Variants in AP1G1 observed in about 807,000 individuals in gnomAD.
AP1G1 encodes AP-1 complex subunit gamma-1.
In AP1G1, 7 loss-of-function variants were observed where a neutral mutation model predicts 108.3. The ratio of observed to expected loss-of-function variants is 0.06; its 90% CI spans 0.04 to 0.12. AP1G1 has a LOEUF of 0.12. Ranked by LOEUF, AP1G1 falls within the 10% of genes least tolerant of loss-of-function variation. The pLI is 1.00. For synonymous variants in AP1G1, 379 were observed against 353.5 expected, an observed-to-expected ratio of 1.07 and a Z score of -0.81; for missense variants, 756 against 1,010.7, an observed-to-expected ratio of 0.75 and a Z score of 3.42.
intron 21 of AP1G1, among the ~76,000 whole-genome samples, chr16:71,735,261 A>G (rs1156586489): frequency 3.3e-5 from 5 of 152,216 alleles, no homozygotes; most frequent in African/African-American, 1.2e-4. Context: ...GACAGAAGGA[A>G]CGGAAAGACT....
rs191244565 is a variant in AP1G1 at position 71,798,339 on chromosome 16, T to C, written c.-3-8857A>G. The stretch of plus-strand genomic sequence containing the variant: ...TTACCCTACCGAGTAGCCAGGACTA[T>C]AGGCGCGTGCCACCACGCTCAGCTA... On this transcript the variant is annotated intron_variant, in intron 1 of 22. Transcript: ENST00000299980. 2.6e-3 allele frequency among the ~76,000 whole-genome samples: 390 copies of C among 152,246 alleles called. 2 individuals carry two copies. Among genetic ancestry groups the C allele is most frequent in the Middle Eastern group, 0.01 (3 of 294 alleles).
chr16:71,804,293 G>A (rs1035884688), intron 1 of AP1G1, among the ~76,000 whole-genome samples: 41 of 151,812 alleles, frequency 2.7e-4, no homozygotes, highest in Non-Finnish European at 2.4e-4. Context: ...TGATCCACCC[G>A]CCTCGGCCTC....
chr16:71,777,823 T>C (rs2031848985), intron 2 of AP1G1: 1 of 386,632 alleles, frequency 2.6e-6, no homozygotes, highest in Non-Finnish European at 5.3e-6. Flanking sequence ...CCTCCATGCT[T>C]TTCTCCAACA....
chr16:71,765,671 G>A lies in AP1G1; in HGVS notation c.643-87C>T, dbSNP rs537458926. On this transcript the variant is annotated intron_variant, in intron 6 of 22. Coordinates refer to ENST00000299980, the MANE Select transcript of AP1G1 (RefSeq NM_001128.6). ...AGGTCCTTTGGTTTAGAAAAAGGGT[G>A]TAAGGGTCCCAGTCCAAGCAAATTC... is the stretch of plus-strand genomic sequence containing the variant. 29 of 1,045,186 alleles carry A rather than the reference G, an allele frequency of 2.8e-5. 1 individual carries two copies. In the South Asian group the frequency reaches 3.5e-4, roughly 13 times the overall value. 64.7% of individuals were successfully genotyped at this position (1,045,186 alleles called of 1,614,324 possible).
At chr16:71,737,976 A>C (rs1303893386) in intron 21 of AP1G1, among the ~76,000 whole-genome samples, 3 of 152,276 alleles carry the variant, frequency 2.0e-5, no homozygotes, top group Non-Finnish European at 4.4e-5. Flanking sequence ...ATAGCAGCCT[A>C]AAATACTTAC....
intron 16 of AP1G1, 37 bp downstream of exon 16, chr16:71,748,214 A>G (rs1021233060): frequency 1.1e-5 from 17 of 1,583,376 alleles, no homozygotes; most frequent in Non-Finnish European, 1.4e-5. Flanking sequence ...TTTAATTACA[A>G]AACAACCTGT....
chr16:71,779,762 T>A (rs2031933609), intron 2 of AP1G1, among the ~76,000 whole-genome samples: 1 of 152,174 alleles, frequency 6.6e-6, no homozygotes, highest in Non-Finnish European at 1.5e-5. Flanking sequence ...TTTATCAGTG[T>A]TTAATCCGGT....
At chr16:71,777,604 C>A in intron 2 of AP1G1, 2 of 409,592 alleles carry the variant, frequency 4.9e-6, no homozygotes, top group South Asian at 3.7e-5. Flanking sequence ...GGCAGGCGGT[C>A]ATGCCGATGC....
chr16:71,789,609 A>G (rs2032325148), intron 1 of AP1G1, 127 bp from the exon 2 acceptor site: 2 of 875,538 alleles, frequency 2.3e-6, no homozygotes, highest in East Asian at 5.3e-5. Flanking sequence ...CAGCTTAGCG[A>G]AGCTAAACAA....
At chr16:71,735,564 A>G (rs888028405) in intron 21 of AP1G1, among the ~76,000 whole-genome samples, 1 of 151,756 alleles carries the variant, frequency 6.6e-6, no homozygotes, top group African/African-American at 2.4e-5. Context: ...CGGGAGGCTG[A>G]GGCAGGAGAA....
At chr16:71,749,359 T>C (rs1465087501) in intron 15 of AP1G1, among the ~76,000 whole-genome samples, 1 of 151,888 alleles carries the variant, frequency 6.6e-6, no homozygotes, top group Non-Finnish European at 1.5e-5. Context: ...GGTGCCTGCC[T>C]ATAGTCCCAG....
In AP1G1 at chr16:71,739,575, C is replaced by T. The variant is rs370094235; in HGVS notation, c.2000-234G>A. ...TACAGTCTGAGCAACATGGCGAGAC[C>T]CTGTCTCTACAAAAAAAAATACAAA... On this transcript the variant is annotated intron_variant, in intron 19 of 22. Coordinates refer to ENST00000299980, the MANE Select transcript of AP1G1 (RefSeq NM_001128.6). 3.2e-4 allele frequency among the ~76,000 whole-genome samples: 48 copies of T among 151,360 alleles called. No homozygotes were observed. In the East Asian group the frequency reaches 5.0e-3, roughly 16 times the overall value.
At chr16:71,756,572 T>C (rs1013603450) in intron 11 of AP1G1, among the ~76,000 whole-genome samples, 1 of 152,222 alleles carries the variant, frequency 6.6e-6, no homozygotes, top group Non-Finnish European at 1.5e-5. Context: ...CATATTCTAC[T>C]TTTATTACAC....
At chr16:71,768,998 A>AAC (rs1555554387) in intron 6 of AP1G1, among the ~76,000 whole-genome samples, 11 of 140,238 alleles carry the variant, frequency 7.8e-5, no homozygotes, top group Middle Eastern at 3.5e-3. Flanking sequence ...AAAAAAAAAA[A>AAC]CAGGCCAGGA....
intron 1 of AP1G1, chr16:71,806,771 A>C: frequency 8.4e-7 from 1 of 1,195,198 alleles, no homozygotes; most frequent in Non-Finnish European, 1.1e-6. Flanking sequence ...AGGGTAATAC[A>C]GAACTCACGT....
chr16:71,794,864 T>TTTTTTTTTTTA (rs71153663), intron 1 of AP1G1, among the ~76,000 whole-genome samples: 5 of 121,334 alleles, frequency 4.1e-5, no homozygotes, highest in African/African-American at 8.9e-5. Flanking sequence ...TTTTTTTTTT[T>TTTTTTTTTTTA]ACTTTGAAAT....
intron 6 of AP1G1, 97 bp from the exon 7 acceptor site, chr16:71,765,681 C>T (rs2031283780): frequency 1.1e-6 from 1 of 878,744 alleles, no homozygotes; most frequent in East Asian, 2.6e-5. Flanking sequence ...GTAAGGGTCC[C>T]AGTCCAAGCA....
At chr16:71,758,315 T>C in intron 11 of AP1G1, 7 of 442,428 alleles carry the variant, frequency 1.6e-5, no homozygotes, top group South Asian at 9.8e-5. Flanking sequence ...TTGAGAGTGC[T>C]ACCTGCTGCC....
intron 17 of AP1G1, 66 bp downstream of exon 17, chr16:71,746,522 G>T: frequency 1.0e-6 from 1 of 998,784 alleles, no homozygotes; most frequent in Non-Finnish European, 1.5e-6. Context: ...TCTTCTTTAT[G>T]GATTACCATG....
Sources: allele counts gnomAD v4.1 joint callset (sites outside exome capture counted in the v4.1 genomes callset), GRCh38; gene constraint gnomAD v4.1.1; transcripts MANE v1.5; gene names NCBI Gene and HGNC (gene_info 2026-07-23, HGNC 2026-07-21).